The following PANX1 variants were observed in gnomAD, a reference collection of about 807,000 sequenced individuals.
PANX1 encodes pannexin-1.
A neutral mutation model predicts 38.7 loss-of-function variants in PANX1; 30 were observed. The ratio of observed to expected loss-of-function variants is 0.78; its 90% confidence interval spans 0.58 to 1.05. The LOEUF is 1.05. PANX1 is among the 50% of genes least tolerant of loss of function. The probability of loss-of-function intolerance (pLI) is 0.00; values close to 1 mark genes in which losing one functional copy is unlikely to be tolerated. For synonymous variants in PANX1, 230 were observed against 212.2 expected (o/e 1.08, Z -0.73); for missense variants, 551 against 517.2 (o/e 1.07, Z -0.63).
intron 2 of PANX1, among the ~76,000 whole-genome samples, chr11:94,167,577 C>T (rs1947117283): frequency 6.6e-6 from 1 of 152,144 alleles, no homozygotes; most frequent in Non-Finnish European, 1.5e-5. Context: ...TGTTGGAGAT[C>T]CAGATAGTGG....
chr11:94,151,110 G>C (rs2134491100), intron 1 of PANX1, among the ~76,000 whole-genome samples: 1 of 152,316 alleles, frequency 6.6e-6, no homozygotes, highest in East Asian at 1.9e-4. Context: ...CTTAAATGAG[G>C]TAATGATTTA....
intron 2 of PANX1, among the ~76,000 whole-genome samples, chr11:94,170,889 G>T (rs993003955): frequency 6.6e-6 from 1 of 151,788 alleles, no homozygotes; most frequent in Non-Finnish European, 1.5e-5. Flanking sequence ...TTGCTGTCCA[G>T]CAGGGGAGCC....
intron 1 of PANX1, among the ~76,000 whole-genome samples, chr11:94,150,771 A>G (rs1186496856): frequency 6.6e-6 from 1 of 152,118 alleles, no homozygotes; most frequent in Non-Finnish European, 1.5e-5. Context: ...GGAATACCCA[A>G]TACCTGGGGA....
chr11:94,180,150 T>C lies in PANX1; in HGVS notation c.1094T>C (p.Leu365Pro). 1.2e-6 allele frequency: 2 copies of C among 1,614,030 alleles called. No homozygotes were observed. Among genetic ancestry groups the C allele is most frequent in the Non-Finnish European group, 1.7e-6 (2 of 1,179,950 alleles). ...KSSGQGIDPM[L>P]LLTNLGMIKM... ...AGTGGTCAGGGGATCGACCCAATGC[T>C]ACTCCTGACAAACCTTGGCATGATC... Residue 365 changes from leucine to proline, a missense_variant, in exon 4 of 5, where the codon CTA becomes CCA. Physicochemically the swap from Leu to Pro is moderately conservative, Grantham distance 98. Transcript: ENST00000227638.
At chr11:94,180,576 T>C (rs1947294461) in intron 4 of PANX1, among the ~76,000 whole-genome samples, 1 of 152,210 alleles carries the variant, frequency 6.6e-6, no homozygotes. Context: ...TTGTCTTATC[T>C]TACTGGCTTT....
At chr11:94,156,741 T>C (rs995080808) in intron 2 of PANX1, among the ~76,000 whole-genome samples, 1 of 151,950 alleles carries the variant, frequency 6.6e-6, no homozygotes, top group African/African-American at 2.4e-5. Context: ...TTTTTTTAAT[T>C]ATACTTTAAG....
chr11:94,177,485 C>G lies in PANX1; in HGVS notation c.322-884C>G, dbSNP rs564543005. On this transcript the variant is annotated intron_variant, in intron 2 of 4. Transcript: ENST00000227638. ...TCATTGCAGATCACATGGTCACTGT[C>G]GCAGCTACTTAGTTCTGCAGAGTAG... Among the ~76,000 whole-genome samples, 3 of 152,088 alleles carry G rather than the reference C, an allele frequency of 2.0e-5. No individual in the cohort carries two copies. In the South Asian group the frequency reaches 6.2e-4, roughly 32 times the overall value.
intron 2 of PANX1, among the ~76,000 whole-genome samples, chr11:94,176,251 T>G (rs1947231169): frequency 6.6e-6 from 1 of 151,648 alleles, no homozygotes; most frequent in Admixed American, 6.6e-5. Context: ...ATTAATATTT[T>G]GGTAACTGTA....
At chr11:94,155,475 C>G (rs1039652522) in intron 2 of PANX1, among the ~76,000 whole-genome samples, 9 of 151,922 alleles carry the variant, frequency 5.9e-5, no homozygotes, top group Non-Finnish European at 1.3e-4. Flanking sequence ...GATCACACCA[C>G]TGCACTCCAG....
intron 2 of PANX1, among the ~76,000 whole-genome samples, chr11:94,156,395 C>G (rs1271329498): frequency 6.6e-6 from 1 of 152,208 alleles, no homozygotes. Context: ...CTCAGCAGAG[C>G]TCTTGCCAGA....
At chr11:94,143,229 A>G (rs959321703) in intron 1 of PANX1, among the ~76,000 whole-genome samples, 1 of 152,230 alleles carries the variant, frequency 6.6e-6, no homozygotes, top group South Asian at 2.1e-4. Context: ...ATGCAGAAGG[A>G]CTTAATGAAG....
chr11:94,180,023 G>A lies in PANX1; in HGVS notation c.967G>A (p.Glu323Lys). ...PTFDVLHFKS[E>K]GYNDLSLYNL... The stretch of plus-strand genomic sequence containing the variant: ...TTTTGATGTTCTGCATTTCAAATCT[G>A]AAGGGTACAACGATTTGAGCCTCTA... The change falls in exon 4 of 5, where the codon GAA becomes AAA. Residue 323 changes from glutamate to lysine, a missense_variant. Physicochemically the swap from Glu to Lys is moderately conservative, Grantham distance 56 (BLOSUM62 1). Transcript: ENST00000227638. 1.2e-6 allele frequency: 2 copies of A among 1,601,980 alleles called. No individual in the cohort carries two copies. The highest frequency in any genetic ancestry group is 1.7e-4 in the Middle Eastern group (1 of 6,024).
At chr11:94,151,566 G>GT (rs1946882812) in intron 1 of PANX1, among the ~76,000 whole-genome samples, 1 of 152,178 alleles carries the variant, frequency 6.6e-6, no homozygotes, top group African/African-American at 2.4e-5. Flanking sequence ...AGGACTATCT[G>GT]TCCCCTTAGG....
At chr11:94,150,363 G>A (rs1412864379) in intron 1 of PANX1, among the ~76,000 whole-genome samples, 3 of 152,190 alleles carry the variant, frequency 2.0e-5, no homozygotes, top group Non-Finnish European at 4.4e-5. Flanking sequence ...CTTGGCAACA[G>A]TTTAAACAGG....
At chr11:94,173,406 TACTACAG>T (rs1200933669) in intron 2 of PANX1, among the ~76,000 whole-genome samples, 1 of 151,616 alleles carries the variant, frequency 6.6e-6, no homozygotes, top group Non-Finnish European at 1.5e-5. Context: ...TTCAGTTATC[TACTACAG>T]ACCAGGGCGT....
chr11:94,168,267 T>A (rs546880050), intron 2 of PANX1, among the ~76,000 whole-genome samples: 1 of 152,108 alleles, frequency 6.6e-6, no homozygotes, highest in Non-Finnish European at 1.5e-5. Context: ...GTTGGGGGCA[T>A]TGGGGCCTTG....
At chr11:94,137,982 T>C (rs1946720986) in intron 1 of PANX1, among the ~76,000 whole-genome samples, 1 of 151,442 alleles carries the variant, frequency 6.6e-6, no homozygotes, top group Admixed American at 6.6e-5. Context: ...TTTAACTGTT[T>C]CACAAGTTTT....
intron 2 of PANX1, among the ~76,000 whole-genome samples, chr11:94,161,547 C>A (rs1947035497): frequency 6.6e-6 from 1 of 152,186 alleles, no homozygotes; most frequent in African/African-American, 2.4e-5. Context: ...TCAGGTAGTT[C>A]TCGTGCCGTG....
rs533260927 is a variant in PANX1, at chr11:94,179,750, G to C, written c.694G>C (p.Gly232Arg). Residue 232 changes from glycine (G) to arginine (R), a missense_variant, in exon 4 of 5, where the codon GGC (glycine) becomes CGC (arginine). Transcript: ENST00000227638. ...IIILLACIYL[G>R]YYFSLSSLSD... is the part of the protein sequence containing the mutation. Reference sequence around the variant, plus strand: ...TATACTGTTAGCGTGTATCTACCTGGGCTATTACTTCAGCCTCTCCTCACT... The same window carrying C: ...TATACTGTTAGCGTGTATCTACCTGCGCTATTACTTCAGCCTCTCCTCACT... 7 of 1,614,018 alleles carry C rather than the reference G, an allele frequency of 4.3e-6. No homozygotes were observed. Among genetic ancestry groups the C allele is most frequent in the Non-Finnish European group, 5.9e-6 (7 of 1,180,000 alleles).
Sources: gnomAD v4.1 joint callset for allele counts (sites outside exome capture counted in the v4.1 genomes callset) on GRCh38, gnomAD v4.1.1 for gene constraint, MANE v1.5 for transcripts, NCBI Gene and HGNC (gene_info 2026-07-23, HGNC 2026-07-21) for gene names.